GRIK2: variants seen among roughly 807,000 people sequenced by gnomAD.
GRIK2 encodes glutamate ionotropic receptor kainate type subunit 2, also known as glutamate receptor ionotropic, kainate 2.
In GRIK2, 32 loss-of-function variants were observed where a neutral mutation model predicts 100.3. That is an observed-to-expected ratio of 0.32 (90% CI 0.24 to 0.43). The LOEUF is 0.43. Ranked by LOEUF, GRIK2 falls within the 20% of genes least tolerant of loss-of-function variation. The pLI is 1.00. For synonymous variants in GRIK2, 417 were observed against 389.4 expected (o/e 1.07, Z -0.83); for missense variants, 843 against 1,114.9 (o/e 0.76, Z 3.47).
chr6:101,617,392 G>C (rs1392679146), intron 2 of GRIK2, among the ~76,000 whole-genome samples: 1 of 151,720 alleles, frequency 6.6e-6, no homozygotes, highest in Non-Finnish European at 1.5e-5. Flanking sequence ...TCAATCATTT[G>C]TTTGTGAGAT....
At chr6:101,697,234 C>A (rs562641100) in intron 7 of GRIK2, among the ~76,000 whole-genome samples, 1 of 152,018 alleles carries the variant, frequency 6.6e-6, no homozygotes, top group Non-Finnish European at 1.5e-5. Flanking sequence ...TGACTTATAA[C>A]ATAGAATTTG....
intron 2 of GRIK2, among the ~76,000 whole-genome samples, chr6:101,427,058 G>A (rs1001905753): frequency 6.6e-6 from 1 of 152,172 alleles, no homozygotes; most frequent in South Asian, 2.1e-4. Flanking sequence ...TTGTTTAATT[G>A]TGAGAGGCCC....
At chr6:101,513,219 A>G (rs2128278793) in intron 2 of GRIK2, among the ~76,000 whole-genome samples, 2 of 152,216 alleles carry the variant, frequency 1.3e-5, no homozygotes, top group East Asian at 1.9e-4. Context: ...GAACAACTCA[A>G]AGGGGTGTGA....
At chr6:101,687,090 T>C in intron 7 of GRIK2, among the ~76,000 whole-genome samples, 1 of 152,048 alleles carries the variant, frequency 6.6e-6, no homozygotes, top group Non-Finnish European at 1.5e-5. Context: ...GTAATCAATA[T>C]AAAAATTATG....
intron 12 of GRIK2, among the ~76,000 whole-genome samples, chr6:101,907,571 C>A (rs556421000): frequency 6.6e-6 from 1 of 151,706 alleles, no homozygotes; most frequent in Non-Finnish European, 1.5e-5. Context: ...AGTGACAGAA[C>A]TTTACTTTCA....
chr6:101,698,305 G>T (rs2128350672), intron 7 of GRIK2, among the ~76,000 whole-genome samples: 1 of 152,156 alleles, frequency 6.6e-6, no homozygotes, highest in East Asian at 1.9e-4. Flanking sequence ...TAATTTCCAA[G>T]ATATGCTTGG....
At chr6:101,900,854 A>G (rs538461581) in intron 12 of GRIK2, among the ~76,000 whole-genome samples, 7 of 151,602 alleles carry the variant, frequency 4.6e-5, no homozygotes, top group African/African-American at 1.7e-4. Flanking sequence ...ATCCTTTCCA[A>G]TGCTAGCTTC....
chr6:101,457,293 T>C (rs183446804), intron 2 of GRIK2, among the ~76,000 whole-genome samples: 3 of 152,148 alleles, frequency 2.0e-5, no homozygotes, highest in East Asian at 1.9e-4. Flanking sequence ...GGAATAAGCA[T>C]ATGTTGATAA....
intron 4 of GRIK2, among the ~76,000 whole-genome samples, chr6:101,643,971 G>T (rs1781404697): frequency 6.6e-6 from 1 of 151,262 alleles, no homozygotes; most frequent in Admixed American, 6.6e-5. Context: ...CTTCAGTTAG[G>T]GTCCATCACA....
intron 13 of GRIK2, among the ~76,000 whole-genome samples, chr6:101,925,283 A>T (rs1789815385): frequency 6.6e-6 from 1 of 152,160 alleles, no homozygotes; most frequent in African/African-American, 2.4e-5. Context: ...TGCATGCAAA[A>T]ATACTTTTTC....
At chr6:101,730,223 A>G (rs1775165144) in intron 7 of GRIK2, among the ~76,000 whole-genome samples, 1 of 151,944 alleles carries the variant, frequency 6.6e-6, no homozygotes, top group South Asian at 2.1e-4. Flanking sequence ...CTAGTCCTTA[A>G]AGAGTAGACT....
chr6:101,416,147 G>A (rs138850323), intron 2 of GRIK2, among the ~76,000 whole-genome samples: 4 of 152,316 alleles, frequency 2.6e-5, no homozygotes, highest in Non-Finnish European at 5.9e-5. Context: ...AAGTGTTTTA[G>A]GCCAGTGAGG....
intron 2 of GRIK2, among the ~76,000 whole-genome samples, chr6:101,489,272 A>G (rs553322859): frequency 6.8e-6 from 1 of 146,282 alleles, no homozygotes; most frequent in African/African-American, 2.6e-5. Context: ...TTTCCAAGTG[A>G]CCATGGCTAG....
intron 4 of GRIK2, among the ~76,000 whole-genome samples, chr6:101,632,014 A>T (rs187975456): frequency 2.4e-4 from 37 of 152,160 alleles, no homozygotes; most frequent in Admixed American, 1.8e-3. Context: ...GCCAGTAGAC[A>T]CCTTTTAGTT....
At chr6:101,450,256 T>C (rs1198959558) in intron 2 of GRIK2, among the ~76,000 whole-genome samples, 1 of 151,682 alleles carries the variant, frequency 6.6e-6, no homozygotes, top group Non-Finnish European at 1.5e-5. Flanking sequence ...TTAGTAATAA[T>C]AGATTTAATA....
intron 12 of GRIK2, among the ~76,000 whole-genome samples, chr6:101,898,409 G>A (rs1006983602): frequency 2.6e-5 from 4 of 151,176 alleles, no homozygotes; most frequent in African/African-American, 7.3e-5. Flanking sequence ...TTTATTTAAA[G>A]TATGCTCTAT....
chr6:101,760,716 TTATATTTAATTATATAATTA>T (rs1777583827), intron 7 of GRIK2, among the ~76,000 whole-genome samples: 1 of 103,716 alleles, frequency 9.6e-6, no homozygotes, highest in Non-Finnish European at 1.7e-5. Context: ...ATATATTTAA[TTATATTTAATTATATAATTA>T]TATATTTAAT....
chr6:101,575,769 T>C (rs996400555), intron 2 of GRIK2, among the ~76,000 whole-genome samples: 1 of 152,052 alleles, frequency 6.6e-6, no homozygotes, highest in Admixed American at 6.6e-5. Flanking sequence ...TTGCGGCTGG[T>C]CTAACTTTGC....
chr6:101,516,724 A>C (rs1274964776), intron 2 of GRIK2, among the ~76,000 whole-genome samples: 1 of 152,144 alleles, frequency 6.6e-6, no homozygotes, highest in Non-Finnish European at 1.5e-5. Flanking sequence ...ATGTAGCTAT[A>C]ATAAAATATA....
Sources: gnomAD v4.1 joint callset for allele counts (sites outside exome capture counted in the v4.1 genomes callset) on GRCh38, gnomAD v4.1.1 for gene constraint, MANE v1.5 for transcripts, NCBI Gene and HGNC (gene_info 2026-07-23, HGNC 2026-07-21) for gene names.